TNKS: variants seen among roughly 807,000 people sequenced by gnomAD.
TNKS encodes tankyrase, also known as poly [ADP-ribose] polymerase tankyrase-1.
A neutral mutation model predicts 135.8 loss-of-function variants in TNKS; 72 were observed. That is an observed-to-expected ratio of 0.53 (90% CI 0.44 to 0.64). TNKS has a LOEUF of 0.64. Among genes scored for constraint, TNKS ranks in the 30% least tolerant of loss-of-function variants. The probability of loss-of-function intolerance (pLI) is 0.00; values close to 1 mark genes in which losing one functional copy is unlikely to be tolerated. For synonymous variants in TNKS, 849 were observed against 649.3 expected (o/e 1.31, Z -4.68); for missense variants, 1,769 against 1,674.0 (o/e 1.06, Z -0.99).
At chr8:9,672,673 AAAACACAT>A (rs1240795831) in intron 3 of TNKS, among the ~76,000 whole-genome samples, 4 of 130,086 alleles carry the variant, frequency 3.1e-5, no homozygotes, top group Non-Finnish European at 4.9e-5. Flanking sequence ...AAAAAAAAAA[AAAACACAT>A]ACACACACAC....
Position 9,751,987 on chromosome 8 carries a change from A to T in TNKS, c.3070+141A>T, listed in dbSNP as rs549328144. 5.4e-6 allele frequency: 4 copies of T among 745,018 alleles called. No homozygotes were observed. The African/African-American group carries it at 7.0e-5, about 13-fold the overall frequency. The allele number at this position is 745,018 out of a possible 1,614,324, so 46.2% of individuals were successfully genotyped here. A position where few individuals can be genotyped will look rare whatever the true frequency, so the allele number is the denominator to read the frequency against. On this transcript the variant is annotated intron_variant, in intron 19 of 26. Coordinates refer to ENST00000310430, the MANE Select transcript of TNKS (RefSeq NM_003747.3). ...TTCATACACACAACATCTTACAAGA[A>T]ATATTTCTTCATAGAAGGCTGCCAC... is the stretch of plus-strand genomic sequence containing the variant.
At chr8:9,707,503 A>G (rs1402807085) in intron 8 of TNKS, among the ~76,000 whole-genome samples, 1 of 152,088 alleles carries the variant, frequency 6.6e-6, no homozygotes, top group African/African-American at 2.4e-5. Context: ...GCACAATCAT[A>G]TTTTTATTTG....
chr8:9,695,668 G>A (rs1474448480), intron 5 of TNKS, among the ~76,000 whole-genome samples: 2 of 152,184 alleles, frequency 1.3e-5, no homozygotes, highest in African/African-American at 4.8e-5. Flanking sequence ...CTGGAAGCAA[G>A]GAGACCTAGT....
intron 2 of TNKS, among the ~76,000 whole-genome samples, chr8:9,591,051 T>C (rs1469157088): frequency 6.6e-6 from 1 of 152,266 alleles, no homozygotes; most frequent in Non-Finnish European, 1.5e-5. Context: ...TTAGGTCTGA[T>C]GCATTTGGAA....
Position 9,704,649 on chromosome 8 carries a change from T to G in TNKS, c.1108-14T>G. The G allele has an allele frequency of 6.2e-7, 1 of 1,603,050 alleles. No homozygotes were observed. Among genetic ancestry groups the G allele is most frequent in the Non-Finnish European group, 8.5e-7 (1 of 1,173,004 alleles). On this transcript the variant is annotated splice_polypyrimidine_tract_variant and intron_variant, in intron 5 of 26. Transcript: ENST00000310430. The stretch of plus-strand genomic sequence containing the variant: ...TTTGTTTTTACCTGAAAAGGGGATG[T>G]TTTTCTTTTCTAGTCGACTCCTTTA...
At chr8:9,667,541 T>A (rs989886841) in intron 3 of TNKS, among the ~76,000 whole-genome samples, 1 of 152,218 alleles carries the variant, frequency 6.6e-6, no homozygotes, top group Non-Finnish European at 1.5e-5. Flanking sequence ...TGTGGAGGCA[T>A]GTGACTGCTT....
intron 3 of TNKS, among the ~76,000 whole-genome samples, chr8:9,676,956 T>C (rs191382094): frequency 1.3e-5 from 2 of 152,332 alleles, no homozygotes; most frequent in East Asian, 3.9e-4. Context: ...TATTAAAGAA[T>C]ATAAATGCTC....
chr8:9,669,002 A>G (rs13252514), intron 3 of TNKS, among the ~76,000 whole-genome samples: 148,249 of 152,230 alleles, frequency 0.97, 72,298 homozygotes, highest in East Asian at 1. Flanking sequence ...ATTAAAGCAG[A>G]AATTAATGTA....
rs867665547 is a variant in TNKS at position 9,735,289 on chromosome 8, C to G, written c.2534-88C>G. 5.4e-6 allele frequency: 7 copies of G among 1,300,738 alleles called. No homozygotes were observed. In the South Asian group the frequency reaches 7.8e-5, roughly 14 times the overall value. 80.6% of individuals were successfully genotyped at this position (1,300,738 alleles called of 1,614,324 possible). ...CTTTTGAAGCAAAAAGTATTAAAAC[C>G]TTAACATTTTCTGGTCCTTATTACA... On this transcript the variant is annotated intron_variant, in intron 16 of 26. Transcript: ENST00000310430.
chr8:9,694,934 T>G (rs1803444292), intron 5 of TNKS, among the ~76,000 whole-genome samples: 1 of 152,324 alleles, frequency 6.6e-6, no homozygotes, highest in East Asian at 1.9e-4. Flanking sequence ...GTGAGCTAGA[T>G]GCTAGGCTAT....
At chr8:9,662,574 A>G (rs1261974773) in intron 3 of TNKS, among the ~76,000 whole-genome samples, 4 of 152,142 alleles carry the variant, frequency 2.6e-5, no homozygotes, top group Non-Finnish European at 5.9e-5. Flanking sequence ...GAAGGGGAAC[A>G]TCACACACCG....
intron 11 of TNKS, 100 bp downstream of exon 11, chr8:9,710,320 T>C: frequency 1.8e-6 from 2 of 1,086,672 alleles, no homozygotes; most frequent in Non-Finnish European, 2.8e-6. Context: ...GAAACTAATT[T>C]TATAAAGGAC....
At chr8:9,586,815 A>G (rs1798398776) in intron 2 of TNKS, among the ~76,000 whole-genome samples, 1 of 151,492 alleles carries the variant, frequency 6.6e-6, no homozygotes. Flanking sequence ...TGGGCTAATA[A>G]TATGCAGAGT....
intron 5 of TNKS, among the ~76,000 whole-genome samples, chr8:9,698,710 A>C (rs1042075120): frequency 1.3e-5 from 2 of 152,256 alleles, no homozygotes; most frequent in African/African-American, 2.4e-5. Context: ...CAAAAGGCTT[A>C]TCAGTTGTCA....
intron 2 of TNKS, among the ~76,000 whole-genome samples, chr8:9,584,435 C>A (rs955565650): frequency 6.6e-6 from 1 of 152,070 alleles, no homozygotes; most frequent in African/African-American, 2.4e-5. Flanking sequence ...AGTAAGGAAT[C>A]ATATATAGCA....
At chr8:9,573,004 G>C (rs745973371) in intron 1 of TNKS, among the ~76,000 whole-genome samples, 1 of 151,090 alleles carries the variant, frequency 6.6e-6, no homozygotes, top group Non-Finnish European at 1.5e-5. Flanking sequence ...TAATACTTAA[G>C]ATAGGGAAAG....
chr8:9,603,419 G>A (rs1162745947), intron 2 of TNKS, among the ~76,000 whole-genome samples: 3 of 152,202 alleles, frequency 2.0e-5, no homozygotes, highest in Admixed American at 6.5e-5. Context: ...CACGTTTCAA[G>A]AATGCGATAC....
At chr8:9,579,285 G>T (rs1309913565) in intron 1 of TNKS, among the ~76,000 whole-genome samples, 1 of 151,908 alleles carries the variant, frequency 6.6e-6, no homozygotes, top group African/African-American at 2.4e-5. Context: ...ATATAGTTTG[G>T]CCACTAGCCC....
chr8:9,766,396 C>T lies in TNKS; in HGVS notation c.3711C>T (p.His1237=), dbSNP rs149009997. ...GIGGGTGCPT[H]KDRSCYICHR... ...GAGGAGGAACAGGCTGCCCTACACACAAGGACAGGTCATGCTATATATGTC... is the reference window on the plus strand; with the variant it reads ...GAGGAGGAACAGGCTGCCCTACACATAAGGACAGGTCATGCTATATATGTC... Residue 1237 remains histidine, a synonymous_variant, in exon 25 of 27, where the codon CAC becomes CAT. Coordinates refer to ENST00000310430, the MANE Select transcript of TNKS (RefSeq NM_003747.3). 1.2e-6 allele frequency: 2 copies of T among 1,611,484 alleles called. No homozygotes were observed. The highest frequency in any genetic ancestry group is 2.2e-5 in the East Asian group (1 of 44,808).
Sources: allele counts gnomAD v4.1 joint callset (sites outside exome capture counted in the v4.1 genomes callset), GRCh38; gene constraint gnomAD v4.1.1; transcripts MANE v1.5; gene names NCBI Gene and HGNC (gene_info 2026-07-23, HGNC 2026-07-21).